SUSD1: variants seen among roughly 807,000 people sequenced by gnomAD.
SUSD1 encodes sushi domain containing 1.
SUSD1 carries 65 observed loss-of-function variants against 86.9 expected under a neutral mutation model. The observed-to-expected ratio is 0.75, with a 90% confidence interval of 0.61 to 0.92. SUSD1 has a LOEUF of 0.92. Ranked by LOEUF, SUSD1 falls within the 40% of genes least tolerant of loss-of-function variation. The pLI is 0.00. For missense variants in SUSD1, 850 were observed against 929.7 expected, an observed-to-expected ratio of 0.91 and a Z score of 1.11; for synonymous variants, 346 against 350.0, an observed-to-expected ratio of 0.99 and a Z score of 0.13.
chr9:112,096,196 C>T (rs892876217), intron 10 of SUSD1, among the ~76,000 whole-genome samples: 12 of 152,126 alleles, frequency 7.9e-5, no homozygotes, highest in Non-Finnish European at 1.5e-4. Flanking sequence ...TCTTTCTGAA[C>T]CTGACACCAT....
At position 112,075,305 on chromosome 9, in the gene SUSD1, GCTAT is replaced by G. The variant is rs1276743806; in HGVS notation, c.1753+3229_1753+3232del. Among the ~76,000 whole-genome samples, 5 of 152,048 alleles carry G rather than the reference GCTAT, an allele frequency of 3.3e-5. No homozygotes were observed. The East Asian group carries it at 9.6e-4, about 29-fold the overall frequency. ...TTATTTTAAAATTTTGGGCTGTTAT[GCTAT>G]CTATCAGTACCATTCTTACCCACTG... On this transcript the variant is annotated intron_variant, in intron 12 of 16. Transcript: ENST00000374270.
At chr9:112,123,794 C>A (rs975939095) in intron 6 of SUSD1, among the ~76,000 whole-genome samples, 1 of 152,016 alleles carries the variant, frequency 6.6e-6, no homozygotes, top group African/African-American at 2.4e-5. Context: ...GGTGACAGAG[C>A]AAGACTCCAT....
chr9:112,080,678 A>T (rs570764806), intron 10 of SUSD1, among the ~76,000 whole-genome samples: 1 of 139,486 alleles, frequency 7.2e-6, no homozygotes, highest in East Asian at 2.0e-4. Flanking sequence ...ACAGAGTGAG[A>T]CTCTGTCTCA....
intron 9 of SUSD1, among the ~76,000 whole-genome samples, chr9:112,100,890 A>ACACACACACACACACACACACACAC (rs59699795): frequency 6.6e-6 from 1 of 151,316 alleles, no homozygotes; most frequent in Admixed American, 6.6e-5. Context: ...ACACACACAC[A>ACACACACACACACACACACACACAC]AATAAAATCT....
At chr9:112,118,674 G>A (rs1026544446) in intron 6 of SUSD1, among the ~76,000 whole-genome samples, 21 of 152,040 alleles carry the variant, frequency 1.4e-4, no homozygotes, top group East Asian at 3.9e-4. Flanking sequence ...TAGTAGAGAC[G>A]GGGTTTCACC....
At chr9:112,070,295 C>A (rs1375427041) in intron 12 of SUSD1, among the ~76,000 whole-genome samples, 1 of 152,210 alleles carries the variant, frequency 6.6e-6, no homozygotes, top group Non-Finnish European at 1.5e-5. Flanking sequence ...GCATGAGCCA[C>A]CACGCCCAGC....
intron 5 of SUSD1, among the ~76,000 whole-genome samples, chr9:112,137,574 T>G (rs1445825773): frequency 6.6e-6 from 1 of 152,190 alleles, no homozygotes; most frequent in African/African-American, 2.4e-5. Context: ...ATCTTAGAAC[T>G]AAAATGTTAT....
chr9:112,056,646 G>A lies in SUSD1; in HGVS notation c.2109+1782C>T, dbSNP rs768393451. On this transcript the variant is annotated intron_variant, in intron 14 of 16. Transcript: ENST00000374270. ...CTAAAGAATAACCACATATTCTTCT[G>A]TTCAGCTACATGAAAGAGAGTATCA... 5.3e-5 allele frequency among the ~76,000 whole-genome samples: 8 copies of A among 152,064 alleles called. No individual in the cohort carries two copies. In the South Asian group the frequency reaches 1.7e-3, roughly 32 times the overall value.
At chr9:112,054,287 A>G (rs1828351607) in intron 14 of SUSD1, among the ~76,000 whole-genome samples, 1 of 152,216 alleles carries the variant, frequency 6.6e-6, no homozygotes, top group Non-Finnish European at 1.5e-5. Flanking sequence ...TCAATAGGGA[A>G]AAGACAGTTT....
At chr9:112,137,471 G>A (rs1832315858) in intron 5 of SUSD1, among the ~76,000 whole-genome samples, 1 of 152,052 alleles carries the variant, frequency 6.6e-6, no homozygotes, top group South Asian at 2.1e-4. Flanking sequence ...TTTTATATGG[G>A]GTTTCCTATG....
intron 5 of SUSD1, chr9:112,137,947 G>C (rs1053022436): frequency 1.4e-4 from 21 of 151,702 alleles, no homozygotes; most frequent in African/African-American, 5.1e-4. Flanking sequence ...AATTGGCTGG[G>C]TGCGGTGGCT....
chr9:112,099,862 C>A, intron 9 of SUSD1, among the ~76,000 whole-genome samples: 1 of 152,186 alleles, frequency 6.6e-6, no homozygotes, highest in East Asian at 1.9e-4. Context: ...TCTTTGAATT[C>A]TCTTGGATAA....
rs907733804 is a variant in SUSD1, at chr9:112,122,503, C to T, written c.886+1754G>A. Among the ~76,000 whole-genome samples the T allele has an allele frequency of 4.1e-5, 6 of 145,340 alleles. No individual in the cohort carries two copies. The Admixed American group carries it at 4.2e-4, about 10-fold the overall frequency. Reference sequence around the variant, plus strand: ...AGACATGGGGTTTCATCATGTTGGCCAGGCTGGTCTTGAACTCCTGACCTC... The same window carrying T: ...AGACATGGGGTTTCATCATGTTGGCTAGGCTGGTCTTGAACTCCTGACCTC... On this transcript the variant is annotated intron_variant, in intron 6 of 16. Coordinates refer to ENST00000374270, the MANE Select transcript of SUSD1 (RefSeq NM_022486.5).
At chr9:112,051,053 G>C (rs1828168104) in intron 15 of SUSD1, among the ~76,000 whole-genome samples, 1 of 152,226 alleles carries the variant, frequency 6.6e-6, no homozygotes, top group Admixed American at 6.5e-5. Context: ...GGGGATGCTT[G>C]CTTGTCCTGC....
At chr9:112,105,801 C>T (rs887115311) in intron 8 of SUSD1, among the ~76,000 whole-genome samples, 5 of 152,152 alleles carry the variant, frequency 3.3e-5, no homozygotes, top group African/African-American at 4.8e-5. Flanking sequence ...ACTACCCAGA[C>T]GGAGGTTTCA....
chr9:112,152,788 A>G (rs1422274341), intron 2 of SUSD1, among the ~76,000 whole-genome samples: 1 of 87,736 alleles, frequency 1.1e-5, no homozygotes, highest in East Asian at 3.6e-4. Flanking sequence ...AGGGTCTTGC[A>G]TCATAACCAA....
intron 6 of SUSD1, 72 bp downstream of exon 6, chr9:112,124,185 A>T (rs1831668372): frequency 6.9e-7 from 1 of 1,455,010 alleles, no homozygotes; most frequent in Non-Finnish European, 9.3e-7. Flanking sequence ...CAGCAATCAG[A>T]TAGTTTTAGG....
At chr9:112,124,738 C>T (rs1831696961) in intron 5 of SUSD1, among the ~76,000 whole-genome samples, 1 of 152,142 alleles carries the variant, frequency 6.6e-6, no homozygotes, top group Non-Finnish European at 1.5e-5. Context: ...TACTATGTAT[C>T]TTCAGATCAT....
intron 1 of SUSD1, chr9:112,173,826 T>C (rs149498515): frequency 3.6e-6 from 1 of 274,660 alleles, no homozygotes; most frequent in East Asian, 8.9e-5. Context: ...CCTCTTATTG[T>C]GCTTCTTGGC....
Sources: gnomAD v4.1 joint callset for allele counts (sites outside exome capture counted in the v4.1 genomes callset) on GRCh38, gnomAD v4.1.1 for gene constraint, MANE v1.5 for transcripts, NCBI Gene and HGNC (gene_info 2026-07-23, HGNC 2026-07-21) for gene names.